SHE: variants seen among roughly 807,000 people sequenced by gnomAD.
SHE encodes the protein SH2 domain-containing adapter protein E.
In SHE, 11 loss-of-function variants were observed where a neutral mutation model predicts 49.8. That is an observed-to-expected ratio of 0.22 (90% confidence interval 0.14 to 0.37). The LOEUF (loss-of-function observed/expected upper bound fraction) is 0.37, where lower values mean the gene tolerates loss of function less well. SHE is among the 10% of genes least tolerant of loss of function. SHE has a pLI of 1.00. For synonymous variants in SHE, 310 were observed against 278.1 expected, an observed-to-expected ratio of 1.11 and a Z score of -1.14; for missense variants, 624 against 655.5, an observed-to-expected ratio of 0.95 and a Z score of 0.52.
chr1:154,483,455 A>G lies in SHE; in HGVS notation c.*694T>C, dbSNP rs553066527. 1.0e-6 allele frequency: 1 copy of G among 985,370 alleles called. No homozygotes were observed. The highest frequency in any genetic ancestry group is 4.7e-5 in the South Asian group (1 of 21,280). 61.0% of individuals were successfully genotyped at this position (985,370 alleles called of 1,614,324 possible). ...TCCAGTCTGCACCATCATGTGGAAA[A>G]GCCACGTGGATTTTTTGTTGGTTTG... On this transcript the variant is annotated 3_prime_UTR_variant, in exon 6 of 6. Transcript: ENST00000304760.
rs570374011 is a variant in SHE at position 154,490,166 on chromosome 1, G to A, written c.719-810C>T. ...ACTCCTATGCAGTTTCAATAAACTG[G>A]GGGAAGCCAGACACATTCACGAATA... On this transcript the variant is annotated intron_variant, in intron 2 of 5. Transcript: ENST00000304760. Among the ~76,000 whole-genome samples the A allele has an allele frequency of 1.9e-4, 29 of 152,292 alleles. 1 individual carries two copies. The South Asian group carries it at 5.6e-3, about 29-fold the overall frequency.
In SHE at chr1:154,501,847, G is replaced by A; in HGVS notation, c.180C>T (p.Gly60=). The A allele has an allele frequency of 6.5e-7, 1 of 1,540,148 alleles. No homozygotes were observed. The highest frequency in any genetic ancestry group is 1.7e-4 in the Middle Eastern group (1 of 5,848). The change falls in exon 1 of 6, where the codon GGC becomes GGT. Residue 60 remains glycine (G), a synonymous_variant. Transcript: ENST00000304760. ...KTVSERAKPG[G]GGGKLRKNSE... is the part of the protein sequence containing the mutation. ...AGTTCTTGCGCAATTTGCCGCCGCCGCCCCCGGGCTTGGCCCGCTCCGACA... is the reference window on the plus strand; with the variant it reads ...AGTTCTTGCGCAATTTGCCGCCGCCACCCCCGGGCTTGGCCCGCTCCGACA...
Position 154,501,579 on chromosome 1 carries a change from C to G in SHE, c.448G>C (p.Val150Leu). The G allele has an allele frequency of 6.2e-7, 1 of 1,614,118 alleles. No homozygotes were observed. Among genetic ancestry groups the G allele is most frequent in the Non-Finnish European group, 8.5e-7 (1 of 1,179,988 alleles). ...TTCCCGTTCTTCTCCTGAGTGTCCACCTTGATGAGCCTGTTGATGTAGGTG... is the reference window on the plus strand; with the variant it reads ...TTCCCGTTCTTCTCCTGAGTGTCCAGCTTGATGAGCCTGTTGATGTAGGTG... ...CSTYINRLIK[V>L]DTQEKNGKSN... is the part of the protein sequence containing the mutation. The change falls in exon 1 of 6, where the codon GTG becomes CTG. Residue 150 changes from valine (V) to leucine (L), a missense_variant. Coordinates refer to ENST00000304760, the MANE Select transcript of SHE (RefSeq NM_001010846.3).
Position 154,480,392 on chromosome 1 carries a change from C to T in SHE, c.*3757G>A, listed in dbSNP as rs1001678948. The T allele has an allele frequency of 2.2e-5, 22 of 985,428 alleles. No homozygotes were observed. The highest frequency in any genetic ancestry group is 1.1e-4 in the East Asian group (1 of 8,822). The allele number at this position is 985,428 out of a possible 1,614,324, so 61.0% of individuals were successfully genotyped here. ...GAACAGAAACTAACCCCACTTAACC[C>T]GCAACTGAAGAATGCCTCACAGTTA... is the stretch of plus-strand genomic sequence containing the variant. On this transcript the variant is annotated 3_prime_UTR_variant, in exon 6 of 6. Coordinates refer to ENST00000304760, the MANE Select transcript of SHE (RefSeq NM_001010846.3).
At chr1:154,489,696 C>T (rs893816811) in intron 2 of SHE, among the ~76,000 whole-genome samples, 4 of 152,250 alleles carry the variant, frequency 2.6e-5, no homozygotes, top group African/African-American at 9.6e-5. Context: ...TGCTTCATTT[C>T]CAGGTTCTGG....
chr1:154,489,067 G>C lies in SHE; in HGVS notation c.1008C>G (p.Ile336Met), dbSNP rs763342974. The C allele has an allele frequency of 1.3e-6, 2 of 1,588,240 alleles. No homozygotes were observed. Among genetic ancestry groups the C allele is most frequent in the Non-Finnish European group, 1.7e-6 (2 of 1,164,794 alleles). The part of the protein sequence containing the change: ...EQPWEWKKEQ[I>M]VRALSVQFEG... ...CGCCCTCACCTGACAGAGCCCGCAC[G>C]ATCTGCTCCTTCTTCCACTCCCATG... The change falls in exon 3 of 6, where the codon ATC becomes ATG. Residue 336 changes from isoleucine to methionine, a missense_variant. Ile to Met is a conservative substitution (Grantham distance 10, BLOSUM62 1). Around this residue, in one of 4 missense-constraint regions of SHE, gnomAD observed 155 missense variants for 142.0 expected, o/e 1.09. Transcript: ENST00000304760.
At chr1:154,498,531 G>A (rs1280174405) in intron 2 of SHE, among the ~76,000 whole-genome samples, 1 of 151,730 alleles carries the variant, frequency 6.6e-6, no homozygotes, top group African/African-American at 2.4e-5. Flanking sequence ...CCAAATAGCT[G>A]GGATTACAGG....
chr1:154,470,409 A>G (rs1412484467), intron 1 of SHE: 3 of 1,288,480 alleles, frequency 2.3e-6, no homozygotes, highest in Non-Finnish European at 2.0e-6. Context: ...CAGCCTTCTA[A>G]GAAAGCATTT....
chr1:154,486,884 A>G (rs1292700834), intron 3 of SHE, among the ~76,000 whole-genome samples: 1 of 152,206 alleles, frequency 6.6e-6, no homozygotes. Context: ...AGCATCCCAC[A>G]GACACTTTTT....
At chr1:154,485,155 C>T (rs1181101024) in intron 5 of SHE, 1 of 152,116 alleles carries the variant, frequency 6.6e-6, no homozygotes, top group Non-Finnish European at 1.5e-5. Context: ...AAAGCTGGCA[C>T]CAAAAGCTCA....
intron 2 of SHE, among the ~76,000 whole-genome samples, chr1:154,492,199 T>C (rs1232150033): frequency 6.6e-6 from 1 of 152,218 alleles, no homozygotes; most frequent in Non-Finnish European, 1.5e-5. Flanking sequence ...TCTCAAATTC[T>C]GTGCAGGGAC....
Position 154,489,146 on chromosome 1 carries a change from G to A in SHE, c.929C>T (p.Pro310Leu). 6.2e-7 allele frequency: 1 copy of A among 1,613,964 alleles called. No individual in the cohort carries two copies. The highest frequency in any genetic ancestry group is 8.5e-7 in the Non-Finnish European group (1 of 1,179,934). The change falls in exon 3 of 6, where the codon CCA becomes CTA. Residue 310 changes from proline (P) to leucine (L), a missense_variant. By Grantham distance (98) the Pro-to-Leu change is moderately conservative. This residue lies in a region of SHE where 155 missense variants were observed against 142.0 expected (regional missense o/e 1.09). Coordinates refer to ENST00000304760, the MANE Select transcript of SHE (RefSeq NM_001010846.3). ...GTCGTTCTCGGGCAGCCGGCTGTCT[G>A]GGGGCCGCGCCTTCCCCTCTGCCCT... ...GPRAEGKARP[P>L]DSRLPENDER...
At chr1:154,474,024 G>A (rs1349041584) in intron 1 of SHE, among the ~76,000 whole-genome samples, 1 of 152,230 alleles carries the variant, frequency 6.6e-6, no homozygotes, top group Non-Finnish European at 1.5e-5. Context: ...TGGACTGGAA[G>A]GCTGGTGCTC....
exon 2 of SHE, chr1:154,470,331 C>G (rs1383454559): frequency 3.4e-5 from 44 of 1,289,046 alleles, no homozygotes; most frequent in Non-Finnish European, 4.1e-5. Flanking sequence ...GGTGCTCTTT[C>G]CAGAAGAACT....
In SHE at chr1:154,501,527, G is replaced by GAGCTAC. The variant is rs771191278; in HGVS notation, c.494_499dup (p.Ser166_Ser167insCysSer). ...CGCGGAGGAAGAGGAGCTGGAGCTG[G>GAGCTAC]AGCTACTGCTGCTGGGGTAGTTGCT... is the stretch of plus-strand genomic sequence containing the variant. On this transcript the variant is annotated inframe_insertion, in exon 1 of 6. Transcript: ENST00000304760. 1.2e-6 allele frequency: 2 copies of GAGCTAC among 1,614,188 alleles called. No homozygotes were observed. Among genetic ancestry groups the GAGCTAC allele is most frequent in the Non-Finnish European group, 1.7e-6 (2 of 1,180,020 alleles).
In SHE at chr1:154,502,193, A is replaced by C; in HGVS notation, c.-167T>G. ...CCGGACACGGCAGGCGACAGGCACGACGCGCGGGGGGCCCCGCCCGGGCTC... is the reference window on the plus strand; with the variant it reads ...CCGGACACGGCAGGCGACAGGCACGCCGCGCGGGGGGCCCCGCCCGGGCTC... On this transcript the variant is annotated 5_prime_UTR_variant, in exon 1 of 6. Coordinates refer to ENST00000304760, the MANE Select transcript of SHE (RefSeq NM_001010846.3). 7.7e-6 allele frequency: 3 copies of C among 388,108 alleles called. No homozygotes were observed. Among genetic ancestry groups the C allele is most frequent in the Non-Finnish European group, 1.2e-5 (3 of 252,092 alleles). 24.0% of individuals were successfully genotyped at this position (388,108 alleles called of 1,614,324 possible).
chr1:154,501,484 G>C lies in SHE; in HGVS notation c.543C>G (p.Ser181=). ...TGCCCTTGTCCAGCTCGGGCCCCAG[G>C]GAGGAAGGGGAAGAGGACGCGGAGG... ...SSSSASSSPS[S]LGPELDKGKI... is the part of the protein sequence containing the mutation. Residue 181 remains serine, a synonymous_variant, in exon 1 of 6, where the codon TCC becomes TCG. Coordinates refer to ENST00000304760, the MANE Select transcript of SHE (RefSeq NM_001010846.3). The C allele has an allele frequency of 6.2e-7, 1 of 1,614,192 alleles. No individual in the cohort carries two copies. Among genetic ancestry groups the C allele is most frequent in the Non-Finnish European group, 8.5e-7 (1 of 1,180,032 alleles).
downstream of SHE, among the ~76,000 whole-genome samples, chr1:154,474,616 T>C (rs529232176): frequency 4.7e-4 from 71 of 152,306 alleles, no homozygotes; most frequent in African/African-American, 1.5e-3. Context: ...GCGATTCTCC[T>C]GCCTCAGCCT....
At chr1:154,484,534 G>A (rs1432282474) in intron 5 of SHE, 199 bp from the exon 6 acceptor site, 7 of 521,642 alleles carry the variant, frequency 1.3e-5, no homozygotes, top group Non-Finnish European at 2.4e-5. Context: ...TCCTTGAGTG[G>A]TTTATCCTTA....
Sources: gnomAD v4.1 joint callset for allele counts (sites outside exome capture counted in the v4.1 genomes callset) on GRCh38, gnomAD v4.1.1 for gene constraint, gnomAD v4.1.1 regional missense constraint, MANE v1.5 for transcripts, NCBI Gene and HGNC (gene_info 2026-07-23, HGNC 2026-07-21) for gene names.